The following CRYBG1 variants were observed in gnomAD, a reference collection of about 807,000 sequenced individuals.
CRYBG1 encodes the protein crystallin beta-gamma domain containing 1, also known as beta/gamma crystallin domain-containing protein 1.
CRYBG1 carries 139 observed loss-of-function variants against 189.2 expected under a neutral mutation model. The observed-to-expected ratio is 0.73, with a 90% CI of 0.64 to 0.85. The LOEUF (loss-of-function observed/expected upper bound fraction) is 0.85, where lower values mean the gene tolerates loss of function less well. CRYBG1 is among the 40% of genes least tolerant of loss of function. The pLI is 0.00. For synonymous variants in CRYBG1, 1,023 were observed against 1,017.1 expected (o/e 1.01, Z -0.11); for missense variants, 2,611 against 2,675.8 (o/e 0.98, Z 0.53).
At chr6:106,535,630 T>A (rs1466357090) in intron 8 of CRYBG1, among the ~76,000 whole-genome samples, 1 of 152,222 alleles carries the variant, frequency 6.6e-6, no homozygotes, top group African/African-American at 2.4e-5. Context: ...GAATGTCTCT[T>A]ATAGATTTGC....
rs1774417250 is a variant in CRYBG1, at chr6:106,552,093, A to C, written c.5440-91A>C. The C allele has an allele frequency of 2.1e-6, 3 of 1,434,792 alleles. No homozygotes were observed. The Admixed American group carries it at 6.0e-5, about 28-fold the overall frequency. 88.9% of individuals were successfully genotyped at this position (1,434,792 alleles called of 1,614,324 possible). A position where few individuals can be genotyped will look rare whatever the true frequency, so the allele number is the denominator to read the frequency against. On this transcript the variant is annotated intron_variant, in intron 14 of 21. Transcript: ENST00000633556. The stretch of plus-strand genomic sequence containing the variant: ...TGGAAAATATTCTGAGTTTATTTTT[A>C]GCAGTAATTGCTAATAATCTAGAAG...
chr6:106,459,483 GCCT>G (rs1771957790), intron 2 of CRYBG1, among the ~76,000 whole-genome samples: 2 of 150,662 alleles, frequency 1.3e-5, no homozygotes, highest in African/African-American at 4.9e-5. Context: ...ATTTTGGTAT[GCCT>G]CTCAGGGTAA....
intron 1 of CRYBG1, among the ~76,000 whole-genome samples, chr6:106,423,274 T>C (rs905071798): frequency 1.7e-4 from 21 of 125,054 alleles, no homozygotes; most frequent in Non-Finnish European, 3.3e-4. Context: ...TTTTTTTTTT[T>C]CGCTATCAAT....
intron 1 of CRYBG1, among the ~76,000 whole-genome samples, chr6:106,408,883 A>G (rs1256204760): frequency 6.6e-6 from 1 of 152,204 alleles, no homozygotes; most frequent in African/African-American, 2.4e-5. Flanking sequence ...CAAAATAGTA[A>G]GAGCTATTTA....
intron 4 of CRYBG1, 119 bp downstream of exon 4, chr6:106,521,572 T>G: frequency 8.5e-7 from 1 of 1,175,730 alleles, no homozygotes; most frequent in Non-Finnish European, 1.2e-6. Flanking sequence ...ATAGTTTTTA[T>G]TCATTCATCA....
intron 21 of CRYBG1, among the ~76,000 whole-genome samples, chr6:106,567,387 A>C (rs540510432): frequency 6.6e-6 from 1 of 152,360 alleles, no homozygotes; most frequent in South Asian, 2.1e-4. Flanking sequence ...TAGATTACCA[A>C]TGATGATAAA....
chr6:106,497,830 C>T (rs36104304), intron 2 of CRYBG1, among the ~76,000 whole-genome samples: 30,986 of 152,218 alleles, frequency 0.2, 3,338 homozygotes, highest in Non-Finnish European at 0.25. Context: ...GTGGCTCATG[C>T]CTGTAATCCC....
chr6:106,563,021 G>A (rs1360186110), intron 20 of CRYBG1, among the ~76,000 whole-genome samples: 1 of 151,264 alleles, frequency 6.6e-6, no homozygotes, highest in Non-Finnish European at 1.5e-5. Context: ...GTAGAGATAG[G>A]GTCTCACAAG....
intron 2 of CRYBG1, among the ~76,000 whole-genome samples, chr6:106,481,638 T>C (rs1186298965): frequency 6.6e-6 from 1 of 152,278 alleles, no homozygotes; most frequent in East Asian, 1.9e-4. Context: ...TTCTCTCTCA[T>C]TGATCGGCAG....
At chr6:106,522,525 T>C (rs1773633687) in intron 4 of CRYBG1, among the ~76,000 whole-genome samples, 1 of 152,210 alleles carries the variant, frequency 6.6e-6, no homozygotes, top group Non-Finnish European at 1.5e-5. Context: ...TGATGTGAAT[T>C]GCGCCTTTTT....
intron 1 of CRYBG1, among the ~76,000 whole-genome samples, chr6:106,403,577 G>A (rs985542172): frequency 6.6e-6 from 1 of 152,210 alleles, no homozygotes; most frequent in South Asian, 2.1e-4. Context: ...GTAACCAACA[G>A]TAAGAAACAC....
chr6:106,450,561 G>C (rs1771763509), intron 1 of CRYBG1, among the ~76,000 whole-genome samples: 1 of 152,196 alleles, frequency 6.6e-6, no homozygotes, highest in African/African-American at 2.4e-5. Flanking sequence ...GAACACCCAA[G>C]TCAAAATGGC....
chr6:106,451,719 T>C lies in CRYBG1; in HGVS notation c.199T>C (p.Tyr67His). 1 of 1,533,966 alleles carries C rather than the reference T, an allele frequency of 6.5e-7. No individual in the cohort carries two copies. Among genetic ancestry groups the C allele is most frequent in the Non-Finnish European group, 8.7e-7 (1 of 1,145,956 alleles). ...AGCTTTGGATGTAGTCGATGGAAAA[T>C]ATGTGGTTCGAGACTCCCAGGAATT... ...ARALDVVDGK[Y>H]VVRDSQEFPL... Residue 67 changes from tyrosine (Y) to histidine (H), a missense_variant, in exon 2 of 22, where the codon TAT (tyrosine) becomes CAT (histidine). Tyr to His is a moderately conservative substitution (Grantham distance 83). Around this residue, in one of 3 missense-constraint regions of CRYBG1, gnomAD observed 985 missense variants for 924.4 expected, o/e 1.07. Transcript: ENST00000633556.
chr6:106,373,973 TC>T (rs1471450051), intron 1 of CRYBG1, among the ~76,000 whole-genome samples: 1 of 152,238 alleles, frequency 6.6e-6, no homozygotes, highest in South Asian at 2.1e-4. Context: ...ACTACTTCTC[TC>T]CAAAGTGGTC....
At position 106,525,529 on chromosome 6, in the gene CRYBG1, T is replaced by G. The variant is rs545034597; in HGVS notation, c.4412+143T>G. 7.5e-5 allele frequency: 52 copies of G among 689,498 alleles called. No homozygotes were observed. The Middle Eastern group carries it at 9.5e-4, about 13-fold the overall frequency. 42.7% of individuals were successfully genotyped at this position (689,498 alleles called of 1,614,324 possible). ...ATACTACTCGTGGTAAGATAAGGGA[T>G]TCATATCTTAACAATGTCATTTTAA... On this transcript the variant is annotated intron_variant, in intron 6 of 21. Transcript: ENST00000633556.
chr6:106,479,978 C>T (rs1415169263), intron 2 of CRYBG1, among the ~76,000 whole-genome samples: 1 of 151,820 alleles, frequency 6.6e-6, no homozygotes, highest in East Asian at 1.9e-4. Flanking sequence ...CATAAGAAGC[C>T]ATTGTTAAAT....
chr6:106,459,335 T>C (rs572550088), intron 2 of CRYBG1, among the ~76,000 whole-genome samples: 2 of 152,136 alleles, frequency 1.3e-5, no homozygotes, highest in African/African-American at 4.8e-5. Flanking sequence ...TTGTAGGGTG[T>C]TTTTTTAAGA....
chr6:106,537,925 G>A (rs1464438761), intron 8 of CRYBG1, among the ~76,000 whole-genome samples: 4 of 152,004 alleles, frequency 2.6e-5, no homozygotes, highest in Admixed American at 1.3e-4. Flanking sequence ...TTTATCCAGC[G>A]GAATCTTCAC....
intron 2 of CRYBG1, among the ~76,000 whole-genome samples, chr6:106,452,554 C>A (rs11751463): frequency 0.13 from 19,223 of 152,012 alleles, 1,261 homozygotes; most frequent in Middle Eastern, 0.16. Context: ...GGCTTTAATG[C>A]AAAGGCATAC....
Sources: gnomAD v4.1 joint callset for allele counts (sites outside exome capture counted in the v4.1 genomes callset) on GRCh38, gnomAD v4.1.1 for gene constraint, gnomAD v4.1.1 regional missense constraint, MANE v1.5 for transcripts, NCBI Gene and HGNC (gene_info 2026-07-23, HGNC 2026-07-21) for gene names.